AFF2: variants seen among roughly 807,000 people sequenced by gnomAD.
AFF2 encodes ALF transcription elongation factor 2.
In AFF2, 14 loss-of-function variants were observed where a neutral mutation model predicts 76.9. The ratio of observed to expected loss-of-function variants is 0.18; its 90% CI spans 0.12 to 0.28. The LOEUF (loss-of-function observed/expected upper bound fraction) is 0.28, where lower values mean the gene tolerates loss of function less well. Ranked by LOEUF, AFF2 falls within the 10% of genes least tolerant of loss-of-function variation. AFF2 has a pLI of 1.00. For synonymous variants in AFF2, 398 were observed against 366.7 expected (o/e 1.09, Z -0.98); for missense variants, 868 against 1,001.1 (o/e 0.87, Z 1.79).
At chrX:148,764,332 C>A (rs1286193605) in intron 3 of AFF2, among the ~76,000 whole-genome samples, 2 of 111,927 alleles carry the variant, frequency 1.8e-5, no homozygotes, top group Non-Finnish European at 3.8e-5. Context: ...TTTTCTCATG[C>A]ATAATTGGAG....
intron 3 of AFF2, among the ~76,000 whole-genome samples, chrX:148,784,860 C>T (rs909862063): frequency 9.0e-6 from 1 of 111,188 alleles, no homozygotes; most frequent in Non-Finnish European, 1.9e-5. Flanking sequence ...GAAGCGGCTC[C>T]CAAACGGCTC....
chrX:148,709,884 C>T (rs1159991748), intron 3 of AFF2, among the ~76,000 whole-genome samples: 2 of 112,012 alleles, frequency 1.8e-5, no homozygotes, highest in Non-Finnish European at 3.8e-5. Context: ...GATAAACTCT[C>T]TTTAGAGGGC....
At chrX:148,531,900 CT>C (rs1243835505) in intron 1 of AFF2, among the ~76,000 whole-genome samples, 62 of 37,306 alleles carry the variant, frequency 1.7e-3, no homozygotes, top group East Asian at 0.012. Flanking sequence ...GATTAATTAT[CT>C]TTTTTTTAAA....
intron 16 of AFF2, among the ~76,000 whole-genome samples, chrX:148,975,324 C>G (rs1425348220): frequency 8.9e-6 from 1 of 112,067 alleles, no homozygotes; most frequent in Non-Finnish European, 1.9e-5. Context: ...TAATAGCACA[C>G]AATTGGAAGC....
intron 3 of AFF2, among the ~76,000 whole-genome samples, chrX:148,801,091 C>T (rs975978776): frequency 1.1e-4 from 12 of 111,746 alleles, no homozygotes; most frequent in African/African-American, 3.9e-4. Flanking sequence ...TTACAGGAGT[C>T]ACTACGGTGG....
chrX:148,853,883 G>C (rs1279742100), intron 7 of AFF2, among the ~76,000 whole-genome samples: 1 of 111,630 alleles, frequency 9.0e-6, no homozygotes, highest in Non-Finnish European at 1.9e-5. Context: ...TTATACCCAA[G>C]GAAACATTGT....
At chrX:148,947,602 A>G (rs782760460) in intron 9 of AFF2, among the ~76,000 whole-genome samples, 3 of 111,906 alleles carry the variant, frequency 2.7e-5, no homozygotes, top group Non-Finnish European at 1.9e-5. Context: ...GCTGACACAG[A>G]CAAAATGGAA....
chrX:148,629,517 G>A (rs2053959858), intron 1 of AFF2, among the ~76,000 whole-genome samples: 1 of 111,320 alleles, frequency 9.0e-6, no homozygotes, highest in Non-Finnish European at 1.9e-5. Context: ...AAGACAAAAG[G>A]CACATTGGTA....
At chrX:148,669,026 G>T (rs1309005317) in intron 3 of AFF2, among the ~76,000 whole-genome samples, 1 of 111,776 alleles carries the variant, frequency 8.9e-6, no homozygotes, top group Admixed American at 9.5e-5. Context: ...TTGCTGCATA[G>T]AAATTTCTTC....
chrX:148,652,681 G>A (rs782299268), intron 2 of AFF2, among the ~76,000 whole-genome samples: 2 of 111,559 alleles, frequency 1.8e-5, no homozygotes, highest in Non-Finnish European at 3.8e-5. Flanking sequence ...CAACCAGAGG[G>A]GGGTAGTATA....
At chrX:148,935,632 C>T (rs782578834) in intron 9 of AFF2, among the ~76,000 whole-genome samples, 1 of 111,747 alleles carries the variant, frequency 8.9e-6, no homozygotes, top group East Asian at 2.8e-4. Context: ...GTGAAATTGC[C>T]TCCTCCTAAA....
chrX:148,776,598 C>T (rs1557268590), intron 3 of AFF2, among the ~76,000 whole-genome samples: 1 of 112,449 alleles, frequency 8.9e-6, no homozygotes, highest in African/African-American at 3.2e-5. Context: ...ATTTGCATTT[C>T]TCTAATGATC....
chrX:148,961,989 A>G (rs1276056212), intron 12 of AFF2, among the ~76,000 whole-genome samples: 1 of 112,599 alleles, frequency 8.9e-6, no homozygotes, highest in Non-Finnish European at 1.9e-5. Context: ...GTGCCCATTT[A>G]ATGGGCAGAT....
intron 7 of AFF2, among the ~76,000 whole-genome samples, chrX:148,844,171 C>T (rs2070637064): frequency 8.9e-6 from 1 of 111,989 alleles, no homozygotes; most frequent in Non-Finnish European, 1.9e-5. Context: ...TATTCAGTCA[C>T]CACTGACTAG....
At chrX:148,578,803 G>T (rs185325843) in intron 1 of AFF2, among the ~76,000 whole-genome samples, 11 of 112,043 alleles carry the variant, frequency 9.8e-5, no homozygotes, top group Admixed American at 9.5e-4. Context: ...TTGGTTGAAC[G>T]AATTAGTTTT....
chrX:148,579,503 G>A (rs782484308), intron 1 of AFF2, among the ~76,000 whole-genome samples: 4 of 111,763 alleles, frequency 3.6e-5, no homozygotes, highest in Admixed American at 9.5e-5. Flanking sequence ...AAAATAAAGC[G>A]ATTGTTGTCA....
intron 9 of AFF2, among the ~76,000 whole-genome samples, chrX:148,915,240 G>A (rs1557282427): frequency 1.8e-5 from 2 of 111,828 alleles, no homozygotes; most frequent in East Asian, 5.6e-4. Flanking sequence ...ACAGCATAGG[G>A]GTATATTACA....
At chrX:148,738,261 G>T (rs1397829123) in intron 3 of AFF2, among the ~76,000 whole-genome samples, 6 of 110,078 alleles carry the variant, frequency 5.5e-5, no homozygotes, top group African/African-American at 2.0e-4. Flanking sequence ...CTTTTTTTTT[G>T]TCGGTAATTT....
At chrX:148,590,910 C>T in intron 1 of AFF2, among the ~76,000 whole-genome samples, 1 of 111,914 alleles carries the variant, frequency 8.9e-6, no homozygotes. Context: ...TCAGAAAATA[C>T]TTGTACACAG....
Sources: allele counts gnomAD v4.1 joint callset (sites outside exome capture counted in the v4.1 genomes callset), GRCh38; gene constraint gnomAD v4.1.1; transcripts MANE v1.5; gene names NCBI Gene and HGNC (gene_info 2026-07-23, HGNC 2026-07-21).